Variants in KIAA0513 observed in about 807,000 individuals in gnomAD.
The protein encoded by KIAA0513 is KIAA0513, also known as uncharacterized protein KIAA0513.
KIAA0513 carries 39 observed loss-of-function variants against 56.5 expected under a neutral mutation model. The observed-to-expected ratio is 0.69, with a 90% confidence interval of 0.53 to 0.90. The LOEUF is 0.90. Among genes scored for constraint, KIAA0513 ranks in the 40% least tolerant of loss-of-function variants. KIAA0513 has a pLI of 0.00. For synonymous variants in KIAA0513, 268 were observed against 215.6 expected, an observed-to-expected ratio of 1.24 and a Z score of -2.13; for missense variants, 591 against 535.2, an observed-to-expected ratio of 1.10 and a Z score of -1.03.
At chr16:85,075,771 G>T in intron 4 of KIAA0513, 73 bp from the exon 5 acceptor site, 1 of 1,330,576 alleles carries the variant, frequency 7.5e-7, no homozygotes, top group South Asian at 1.2e-5. Context: ...AAGTGTCTCA[G>T]TGATGTCTGA....
At chr16:85,066,837 T>A (rs2073488945) in intron 1 of KIAA0513, 63 bp from the exon 2 acceptor site, 1 of 443,340 alleles carries the variant, frequency 2.3e-6, no homozygotes, top group Non-Finnish European at 4.0e-6. Context: ...GGGGAGTCTG[T>A]GATCTAGGTC....
At chr16:85,053,803 C>G (rs146433618) in intron 1 of KIAA0513, among the ~76,000 whole-genome samples, 2,271 of 152,096 alleles carry the variant, frequency 0.015, 51 homozygotes, top group African/African-American at 0.048. Flanking sequence ...ACCATTCTGG[C>G]CAACATGGTG....
Position 85,076,011 on chromosome 16 carries a change from T to C in KIAA0513, c.574+97T>C, listed in dbSNP as rs2144059309. The C allele has an allele frequency of 1.1e-6, 1 of 898,122 alleles. No individual in the cohort carries two copies. The highest frequency in any genetic ancestry group is 1.6e-5 in the African/African-American group (1 of 61,138). 55.6% of individuals were successfully genotyped at this position (898,122 alleles called of 1,614,324 possible). A position where few individuals can be genotyped will look rare whatever the true frequency, so the allele number is the denominator to read the frequency against. On this transcript the variant is annotated intron_variant, in intron 5 of 12. Coordinates refer to ENST00000683363, the MANE Select transcript of KIAA0513 (RefSeq NM_001388359.1). The surrounding 1 kb of genome is among the most constrained non-coding windows in gnomAD (Gnocchi z 4.7). ...TTTCTTCATGATAAAAAGCAAAAGC[T>C]ATGGGGCCTCCAGAGAACAGAGGAA...
chr16:85,048,128 T>G (rs993152177), intron 1 of KIAA0513, among the ~76,000 whole-genome samples: 1 of 152,058 alleles, frequency 6.6e-6, no homozygotes, highest in Non-Finnish European at 1.5e-5. Flanking sequence ...GGGTGAATGA[T>G]TAGGTGAGAG....
intron 2 of KIAA0513, among the ~76,000 whole-genome samples, chr16:85,067,811 C>CT (rs1443162188): frequency 2.7e-5 from 4 of 150,222 alleles, no homozygotes; most frequent in Admixed American, 6.6e-5. Context: ...TTCTTTTTTT[C>CT]TTTTTTTTTC....
intron 1 of KIAA0513, among the ~76,000 whole-genome samples, chr16:85,029,807 CTTCCCAAGGGTT>C (rs2072938011): frequency 6.6e-6 from 1 of 152,228 alleles, no homozygotes; most frequent in African/African-American, 2.4e-5. Flanking sequence ...CACTTTAATA[CTTCCCAAGGGTT>C]TTCCCATGCA....
At chr16:85,048,440 A>C (rs181893692) in intron 1 of KIAA0513, among the ~76,000 whole-genome samples, 1 of 152,292 alleles carries the variant, frequency 6.6e-6, no homozygotes, top group Admixed American at 6.5e-5. Flanking sequence ...CTCATGCTGC[A>C]CGATTGGATC....
intron 2 of KIAA0513, among the ~76,000 whole-genome samples, chr16:85,071,258 C>T (rs1028025199): frequency 4.6e-5 from 7 of 152,150 alleles, no homozygotes; most frequent in Admixed American, 1.3e-4. Context: ...TCCAGAAGTG[C>T]AGAGGGATGA....
Position 85,062,709 on chromosome 16 carries a change from A to G in KIAA0513, c.-172-4191A>G, listed in dbSNP as rs922680307. Reference sequence around the variant, plus strand: ...AGATTTCATGTAACGGGATTTCAGCATTCCTTAGAAACCTGTAGAAGCTCT... The same window carrying G: ...AGATTTCATGTAACGGGATTTCAGCGTTCCTTAGAAACCTGTAGAAGCTCT... On this transcript the variant is annotated intron_variant, in intron 1 of 12. Coordinates refer to ENST00000683363, the MANE Select transcript of KIAA0513 (RefSeq NM_001388359.1). Among the ~76,000 whole-genome samples, 3 of 152,354 alleles carry G rather than the reference A, an allele frequency of 2.0e-5. No homozygotes were observed. The East Asian group carries it at 5.8e-4, about 29-fold the overall frequency.
intron 1 of KIAA0513, among the ~76,000 whole-genome samples, chr16:85,035,902 C>T (rs2073029662): frequency 6.6e-6 from 1 of 150,642 alleles, no homozygotes; most frequent in Non-Finnish European, 1.5e-5. Context: ...TGGCATGAAC[C>T]TGGGAGGCAG....
In KIAA0513 at chr16:85,055,483, T is replaced by C. The variant is rs1259208537; in HGVS notation, c.-172-11417T>C. 2.0e-5 allele frequency among the ~76,000 whole-genome samples: 3 copies of C among 152,346 alleles called. No individual in the cohort carries two copies. The East Asian group carries it at 5.8e-4, about 29-fold the overall frequency. ...GACAGAAAGTGAAAGTGAAGTCCCT[T>C]GCTAAAACTCAGTGTACTGTTCTAC... On this transcript the variant is annotated intron_variant, in intron 1 of 12. Transcript: ENST00000683363.
rs201298204 is a variant in KIAA0513, at chr16:85,045,361, CTTGT to C, written c.-173+17516_-173+17519del. 6.5e-3 allele frequency among the ~76,000 whole-genome samples: 992 copies of C among 152,004 alleles called. 9 individuals are homozygous for C. Among genetic ancestry groups the C allele is most frequent in the African/African-American group, 0.016 (652 of 41,484 alleles). On this transcript the variant is annotated intron_variant, in intron 1 of 12. Coordinates refer to ENST00000683363, the MANE Select transcript of KIAA0513 (RefSeq NM_001388359.1). Reference sequence around the variant, plus strand: ...GATACTTAAGCAGAGACCCAATGACCTTGTTTGTTTGTTTGTGACAGTCTTGCTC... The same window carrying C: ...GATACTTAAGCAGAGACCCAATGACCTTGTTTGTTTGTGACAGTCTTGCTC...
At chr16:85,058,109 A>G (rs1448921839) in intron 1 of KIAA0513, among the ~76,000 whole-genome samples, 1 of 152,188 alleles carries the variant, frequency 6.6e-6, no homozygotes, top group Admixed American at 6.5e-5. Flanking sequence ...TTGGTTATCA[A>G]ATCAGAACCT....
chr16:85,070,382 C>G lies in KIAA0513; in HGVS notation c.330-1401C>G, dbSNP rs1567538485. Among the ~76,000 whole-genome samples the G allele has an allele frequency of 2.0e-5, 3 of 152,114 alleles. No homozygotes were observed. In the South Asian group the frequency reaches 6.2e-4, roughly 32 times the overall value. On this transcript the variant is annotated intron_variant, in intron 2 of 12. Transcript: ENST00000683363. The stretch of plus-strand genomic sequence containing the variant: ...TGATAATCCAAATATCTGACTGTCT[C>G]AAAATGCATTTATGGGCTGAGTACG...
At chr16:85,038,861 A>G (rs1282482758) in intron 1 of KIAA0513, among the ~76,000 whole-genome samples, 10 of 152,210 alleles carry the variant, frequency 6.6e-5, no homozygotes, top group African/African-American at 2.4e-4. Flanking sequence ...CTGAAGTCTG[A>G]TGTGGTCAGC....
chr16:85,088,482 TCCTC>T lies in KIAA0513; in HGVS notation c.*162_*165del. The T allele has an allele frequency of 3.2e-6, 2 of 624,456 alleles. No homozygotes were observed. Among genetic ancestry groups the T allele is most frequent in the Non-Finnish European group, 5.7e-6 (2 of 349,778 alleles). 38.7% of individuals were successfully genotyped at this position (624,456 alleles called of 1,614,324 possible). A position where few individuals can be genotyped will look rare whatever the true frequency, so the allele number is the denominator to read the frequency against. ...ACTAGCGGTTAGAAGAATCCGCTGTTCCTCCCTCATCTCCTCTGCCTGTGTCTGC... is the reference window on the plus strand; with the variant it reads ...ACTAGCGGTTAGAAGAATCCGCTGTTCCTCATCTCCTCTGCCTGTGTCTGC... On this transcript the variant is annotated 3_prime_UTR_variant, in exon 13 of 13. Coordinates refer to ENST00000683363, the MANE Select transcript of KIAA0513 (RefSeq NM_001388359.1).
intron 1 of KIAA0513, among the ~76,000 whole-genome samples, chr16:85,066,102 A>G (rs1472804371): frequency 6.6e-6 from 1 of 152,216 alleles, no homozygotes; most frequent in Non-Finnish European, 1.5e-5. Context: ...AGCAAGCAGG[A>G]TGATGAATGA....
chr16:85,067,096 G>A lies in KIAA0513; in HGVS notation c.25G>A (p.Gly9Ser). METPEVPV[G>S]SLIDFGPEAP... The stretch of plus-strand genomic sequence containing the variant: ...CATGGAGACCCCAGAGGTCCCCGTG[G>A]GCTCGCTAATCGACTTTGGGCCTGA... The change falls in exon 2 of 13, where the codon GGC (glycine) becomes AGC (serine). Residue 9 changes from glycine (G) to serine (S), a missense_variant. Physicochemically the swap from Gly to Ser is moderately conservative, Grantham distance 56. Coordinates refer to ENST00000683363, the MANE Select transcript of KIAA0513 (RefSeq NM_001388359.1). The A allele has an allele frequency of 1.9e-6, 3 of 1,597,330 alleles. No individual in the cohort carries two copies. Among genetic ancestry groups the A allele is most frequent in the Non-Finnish European group, 2.6e-6 (3 of 1,170,110 alleles).
rs2144088281 is a variant in KIAA0513, at chr16:85,081,718, T to A, written c.980+326T>A. On this transcript the variant is annotated intron_variant, in intron 9 of 12. Coordinates refer to ENST00000683363, the MANE Select transcript of KIAA0513 (RefSeq NM_001388359.1). This position sits in a 1 kb window ranked among gnomAD's most constrained non-coding sequence, Gnocchi z 4.4. Reference sequence around the variant, plus strand: ...TGTTTGCTGGACAAAATCAGCATCCTGAGGATGAACGCTTGGAGCAGGGTC... The same window carrying A: ...TGTTTGCTGGACAAAATCAGCATCCAGAGGATGAACGCTTGGAGCAGGGTC... 1.3e-5 allele frequency among the ~76,000 whole-genome samples: 2 copies of A among 152,318 alleles called. No homozygotes were observed. Among genetic ancestry groups the A allele is most frequent in the African/African-American group, 4.8e-5 (2 of 41,576 alleles).
Sources: allele counts gnomAD v4.1 joint callset (sites outside exome capture counted in the v4.1 genomes callset), GRCh38; gene constraint gnomAD v4.1.1; non-coding constraint Gnocchi (gnomAD v3.1); transcripts MANE v1.5; gene names NCBI Gene and HGNC (gene_info 2026-07-23, HGNC 2026-07-21).